TTC39C: variants seen among roughly 807,000 people sequenced by gnomAD.
TTC39C encodes tetratricopeptide repeat protein 39C.
Under a neutral mutation model 76.3 loss-of-function variants are expected in TTC39C, and 33 were observed. The ratio of observed to expected loss-of-function variants is 0.43; its 90% confidence interval spans 0.33 to 0.58. The LOEUF (loss-of-function observed/expected upper bound fraction) is 0.58. Ranked by LOEUF, TTC39C falls within the 20% of genes least tolerant of loss-of-function variation. TTC39C has a pLI of 0.04. For missense variants in TTC39C, 595 were observed against 701.4 expected, an observed-to-expected ratio of 0.85 and a Z score of 1.71; for synonymous variants, 254 against 260.6, an observed-to-expected ratio of 0.97 and a Z score of 0.24.
At position 24,014,906 on chromosome 18, in the gene TTC39C, G is replaced by T. The variant is rs552231190; in HGVS notation, c.35G>T (p.Arg12Leu). ...TCGGAGCAGCAGCGGCCGCGGCGGCGGGACGACGGAGACTCGGACGCGGCA... is the reference window on the plus strand; with the variant it reads ...TCGGAGCAGCAGCGGCCGCGGCGGCTGGACGACGGAGACTCGGACGCGGCA... ...AGSEQQRPRRRDDGDSDAAAA... is the reference protein window; with the variant it reads ...AGSEQQRPRRLDDGDSDAAAA... Residue 12 changes from arginine (R) to leucine (L), a missense_variant, in exon 1 of 14, where the codon CGG becomes CTG. Coordinates refer to ENST00000317571, the MANE Select transcript of TTC39C (RefSeq NM_001135993.2). 6.7e-7 allele frequency: 1 copy of T among 1,499,368 alleles called. No individual in the cohort carries two copies. Among genetic ancestry groups the T allele is most frequent in the Non-Finnish European group, 8.9e-7 (1 of 1,125,518 alleles). 92.9% of individuals were successfully genotyped at this position (1,499,368 alleles called of 1,614,324 possible).
chr18:24,121,804 C>A (rs975237928), intron 8 of TTC39C, among the ~76,000 whole-genome samples: 1 of 152,172 alleles, frequency 6.6e-6, no homozygotes, highest in Non-Finnish European at 1.5e-5. Flanking sequence ...ACTCTGTGAC[C>A]TTAGGCAATG....
chr18:24,047,443 T>G (rs892294617), intron 1 of TTC39C, among the ~76,000 whole-genome samples: 2 of 152,194 alleles, frequency 1.3e-5, no homozygotes, highest in Non-Finnish European at 2.9e-5. Context: ...ACTGTGGGGG[T>G]TTTATGGTTA....
At chr18:24,032,927 C>T (rs1289731906) in intron 1 of TTC39C, among the ~76,000 whole-genome samples, 2 of 152,200 alleles carry the variant, frequency 1.3e-5, no homozygotes, top group Non-Finnish European at 2.9e-5. Context: ...TCGTTTTAAC[C>T]AGCTTTAGAA....
At chr18:24,014,710 C>T, upstream of TTC39C, 12 of 1,091,658 alleles carry the variant, frequency 1.1e-5, no homozygotes, top group Non-Finnish European at 1.4e-5. Context: ...CTCCTCCCTC[C>T]GCGGTCCTTC....
At chr18:24,009,752 ACT>A (rs754407742), upstream of TTC39C, among the ~76,000 whole-genome samples, 3 of 152,236 alleles carry the variant, frequency 2.0e-5, no homozygotes, top group Non-Finnish European at 4.4e-5. Context: ...TTTGTCCCTG[ACT>A]CTCTACAGCA....
chr18:24,100,848 T>A (rs559010981), intron 6 of TTC39C, among the ~76,000 whole-genome samples: 52 of 152,326 alleles, frequency 3.4e-4, no homozygotes, highest in Non-Finnish European at 6.5e-4. Flanking sequence ...AGTCAGGGTT[T>A]TCTGAAGCAC....
At chr18:24,130,226 C>T in intron 11 of TTC39C, 87 bp from the exon 12 acceptor site, 1 of 597,454 alleles carries the variant, frequency 1.7e-6, no homozygotes, top group Non-Finnish European at 2.9e-6. Context: ...GTATGAGTCC[C>T]CCTTCCCGCC....
At chr18:24,107,894 G>GGC (rs1003215251) in intron 6 of TTC39C, among the ~76,000 whole-genome samples, 8 of 145,482 alleles carry the variant, frequency 5.5e-5, no homozygotes, top group East Asian at 2.1e-4. Flanking sequence ...AAGTAGGGGG[G>GGC]GGGGTACAGG....
At chr18:24,019,780 A>T in intron 1 of TTC39C, 1 of 1,166,410 alleles carries the variant, frequency 8.6e-7, no homozygotes, top group Non-Finnish European at 1.2e-6. Context: ...TTGCTTGTGC[A>T]CTACACCTGC....
At chr18:24,130,448 A>G (rs778044743) in intron 12 of TTC39C, 31 bp downstream of exon 12, 30 of 910,800 alleles carry the variant, frequency 3.3e-5, no homozygotes, top group Middle Eastern at 3.9e-4. Flanking sequence ...TATAATATAT[A>G]TTTTTAATGT....
chr18:24,093,263 A>T (rs996353457), intron 6 of TTC39C, among the ~76,000 whole-genome samples: 2 of 152,282 alleles, frequency 1.3e-5, no homozygotes, highest in Non-Finnish European at 2.9e-5. Context: ...GCAGATCACG[A>T]GGTCAGGAGA....
upstream of TTC39C, among the ~76,000 whole-genome samples, chr18:24,013,468 AT>A (rs1166402639): frequency 2.0e-5 from 3 of 152,170 alleles, no homozygotes; most frequent in African/African-American, 4.8e-5. Context: ...ATTATTTTGC[AT>A]TTTTCTGTAA....
At chr18:24,010,501 T>C (rs550487732), upstream of TTC39C, among the ~76,000 whole-genome samples, 4 of 152,322 alleles carry the variant, frequency 2.6e-5, no homozygotes, top group South Asian at 8.3e-4. Context: ...TAATTAAATC[T>C]TACTTCACCT....
At chr18:24,084,284 G>C (rs1260246570) in intron 6 of TTC39C, among the ~76,000 whole-genome samples, 1 of 152,140 alleles carries the variant, frequency 6.6e-6, no homozygotes, top group Non-Finnish European at 1.5e-5. Context: ...AGGAGTTCGA[G>C]ACCAGCCTGG....
At chr18:24,029,058 T>C (rs1397748111) in intron 1 of TTC39C, among the ~76,000 whole-genome samples, 2 of 151,420 alleles carry the variant, frequency 1.3e-5, no homozygotes, top group Non-Finnish European at 2.9e-5. Flanking sequence ...AATTAATTAG[T>C]GTTTGAGTTG....
chr18:24,059,939 C>A (rs1427765610), intron 1 of TTC39C, among the ~76,000 whole-genome samples: 1 of 152,132 alleles, frequency 6.6e-6, no homozygotes, highest in Non-Finnish European at 1.5e-5. Flanking sequence ...GAATGAGAGC[C>A]AGGTGAAAGG....
chr18:24,023,532 G>C (rs1354386294), intron 1 of TTC39C, among the ~76,000 whole-genome samples: 1 of 152,206 alleles, frequency 6.6e-6, no homozygotes, highest in East Asian at 1.9e-4. Context: ...ACTCAGTGTT[G>C]TGTGCAGTGA....
intron 3 of TTC39C, among the ~76,000 whole-genome samples, chr18:24,067,947 G>A (rs568688898): frequency 6.6e-6 from 1 of 151,856 alleles, no homozygotes; most frequent in Admixed American, 6.6e-5. Context: ...TTCTTTCTAC[G>A]TGTCCTTTTC....
intron 1 of TTC39C, among the ~76,000 whole-genome samples, chr18:24,002,764 A>T (rs927139475): frequency 6.6e-6 from 1 of 152,102 alleles, no homozygotes; most frequent in African/African-American, 2.4e-5. Context: ...GAACGTATGT[A>T]TCCAGCCCTG....
Sources: gnomAD v4.1 joint callset for allele counts (sites outside exome capture counted in the v4.1 genomes callset) on GRCh38, gnomAD v4.1.1 for gene constraint, MANE v1.5 for transcripts, NCBI Gene and HGNC (gene_info 2026-07-23, HGNC 2026-07-21) for gene names.